MAN1A2: variants seen among roughly 807,000 people sequenced by gnomAD.
MAN1A2 encodes the protein mannosidase alpha class 1A member 2, also known as mannosyl-oligosaccharide 1,2-alpha-mannosidase IB.
Under a neutral mutation model 75.7 loss-of-function variants are expected in MAN1A2, and 26 were observed. That is an observed-to-expected ratio of 0.34 (90% CI 0.25 to 0.48). The LOEUF is 0.48. Ranked by LOEUF, MAN1A2 falls within the 20% of genes least tolerant of loss-of-function variation. The probability of loss-of-function intolerance (pLI) is 0.99; values close to 1 mark genes in which losing one functional copy is unlikely to be tolerated. For missense variants in MAN1A2, 562 were observed against 775.5 expected, an observed-to-expected ratio of 0.72 and a Z score of 3.27; for synonymous variants, 247 against 264.6, an observed-to-expected ratio of 0.93 and a Z score of 0.65.
chr1:117,369,264 G>C (rs1035179672), intron 1 of MAN1A2, among the ~76,000 whole-genome samples: 1 of 152,188 alleles, frequency 6.6e-6, no homozygotes, highest in African/African-American at 2.4e-5. Context: ...AATCTAAAGT[G>C]AGCTCTGGGG....
intron 1 of MAN1A2, among the ~76,000 whole-genome samples, chr1:117,399,130 C>A (rs768046803): frequency 6.6e-6 from 1 of 152,102 alleles, no homozygotes. Context: ...TTTTAAAATG[C>A]CCATGTGCGT....
At position 117,523,046 on chromosome 1, in the gene MAN1A2, TG is replaced by T; in HGVS notation, c.*91del. ...TTTGAAGGGGCGGCTTTTGAAAACC[TG>T]GACCTCTATGTCAACATGACAGGGT... On this transcript the variant is annotated 3_prime_UTR_variant, in exon 13 of 13. Transcript: ENST00000356554. The T allele has an allele frequency of 7.3e-7, 1 of 1,360,820 alleles. No individual in the cohort carries two copies. The highest frequency in any genetic ancestry group is 1.0e-6 in the Non-Finnish European group (1 of 961,848). 84.3% of individuals were successfully genotyped at this position (1,360,820 alleles called of 1,614,324 possible).
At chr1:117,417,733 C>CAT (rs1553232830) in intron 4 of MAN1A2, among the ~76,000 whole-genome samples, 3 of 149,718 alleles carry the variant, frequency 2.0e-5, no homozygotes, top group East Asian at 1.9e-4. Context: ...CTCTCTCTCT[C>CAT]ATCAAAGTAT....
intron 1 of MAN1A2, among the ~76,000 whole-genome samples, chr1:117,380,916 G>A (rs921665093): frequency 2.0e-5 from 3 of 152,110 alleles, no homozygotes; most frequent in African/African-American, 7.2e-5. Context: ...TTGGAATTTT[G>A]ATAGAGATTA....
intron 1 of MAN1A2, 101 bp from the exon 2 acceptor site, chr1:117,402,085 A>G: frequency 8.3e-7 from 1 of 1,211,018 alleles, no homozygotes; most frequent in Non-Finnish European, 1.1e-6. Context: ...AGTAGAAAAC[A>G]AGTTCCTGGG....
rs532839550 is a variant in MAN1A2 at position 117,418,027 on chromosome 1, CAG to C, written c.775-2539_775-2538del. Among the ~76,000 whole-genome samples the C allele has an allele frequency of 4.8e-3, 724 of 152,162 alleles. 4 individuals carry two copies. Among genetic ancestry groups the C allele is most frequent in the African/African-American group, 0.017 (692 of 41,514 alleles). ...TGCTACTGTACTCTAGCCTGGGCAACAGAGTAAGATCCTCCTTCTGAAGAATA... is the reference window on the plus strand; with the variant it reads ...TGCTACTGTACTCTAGCCTGGGCAACAGTAAGATCCTCCTTCTGAAGAATA... On this transcript the variant is annotated intron_variant, in intron 4 of 12. Transcript: ENST00000356554.
At chr1:117,460,730 AG>A in intron 7 of MAN1A2, 118 bp downstream of exon 7, 1 of 1,218,426 alleles carries the variant, frequency 8.2e-7, no homozygotes, top group Non-Finnish European at 1.1e-6. Context: ...TTAGGGCTGT[AG>A]CCTTTATTTT....
At chr1:117,437,109 T>G (rs1648874900) in intron 5 of MAN1A2, among the ~76,000 whole-genome samples, 1 of 152,148 alleles carries the variant, frequency 6.6e-6, no homozygotes, top group Non-Finnish European at 1.5e-5. Context: ...TCAGTGATAC[T>G]GAAAAATTTA....
intron 1 of MAN1A2, 57 bp downstream of exon 1, chr1:117,368,542 T>G: frequency 4.2e-6 from 6 of 1,445,618 alleles, no homozygotes; most frequent in South Asian, 1.3e-5. Flanking sequence ...GTACGGTGAT[T>G]GGATCGAATC....
rs1434648645 is a variant in MAN1A2 at position 117,524,388 on chromosome 1, T to TGCAA, written c.*1433_*1436dup. ...TTCTGTCCTTAAATTTATGTGACAG[T>TGCAA]GCAAGATACTTTTGCTCTTTTCATT... On this transcript the variant is annotated 3_prime_UTR_variant, in exon 13 of 13. Transcript: ENST00000356554. 1 of 151,960 alleles carries TGCAA rather than the reference T, an allele frequency of 6.6e-6. No homozygotes were observed. The highest frequency in any genetic ancestry group is 2.4e-5 in the African/African-American group (1 of 41,410). 9.4% of individuals were successfully genotyped at this position (151,960 alleles called of 1,614,324 possible).
chr1:117,420,581 T>C lies in MAN1A2; in HGVS notation c.787T>C (p.Ser263Pro). 6.2e-7 allele frequency: 1 copy of C among 1,611,492 alleles called. No individual in the cohort carries two copies. Among genetic ancestry groups the C allele is most frequent in the African/African-American group, 1.3e-5 (1 of 74,950 alleles). The change falls in exon 5 of 13, where the codon TCT (serine) becomes CCT (proline). Residue 263 changes from serine (S) to proline (P), a missense_variant. Physicochemically the swap from Ser to Pro is moderately conservative, Grantham distance 74. This residue lies in a region of MAN1A2 where 434 missense variants were observed against 645.7 expected (regional missense o/e 0.67). Coordinates refer to ENST00000356554, the MANE Select transcript of MAN1A2 (RefSeq NM_006699.5). ...NLDFSVNSEV[S>P]VFEVNIRFIG... ...ATGTTTTTCACAGAATTCAGAGGTG[T>C]CTGTGTTTGAAGTCAACATTCGATT...
At chr1:117,467,665 A>G (rs555755640) in intron 8 of MAN1A2, among the ~76,000 whole-genome samples, 3 of 152,238 alleles carry the variant, frequency 2.0e-5, no homozygotes, top group Admixed American at 2.0e-4. Context: ...TGAGAGCTGC[A>G]TTTCTAAAAT....
intron 10 of MAN1A2, among the ~76,000 whole-genome samples, chr1:117,498,100 C>T (rs540006079): frequency 2.5e-4 from 38 of 151,774 alleles, no homozygotes; most frequent in African/African-American, 8.0e-4. Flanking sequence ...GTCAAGAGGA[C>T]GGTGAAGTAG....
intron 1 of MAN1A2, among the ~76,000 whole-genome samples, chr1:117,372,815 A>T (rs1653010123): frequency 1.4e-5 from 2 of 139,278 alleles, no homozygotes; most frequent in Admixed American, 1.4e-4. Flanking sequence ...TTTGTGAGTT[A>T]AAAAAAAAAA....
chr1:117,511,263 G>T (rs983733247), intron 12 of MAN1A2, among the ~76,000 whole-genome samples: 2 of 152,028 alleles, frequency 1.3e-5, no homozygotes, highest in African/African-American at 4.8e-5. Context: ...TACATATGGG[G>T]ATTATGGGGA....
intron 1 of MAN1A2, among the ~76,000 whole-genome samples, chr1:117,378,596 T>C (rs1243243377): frequency 6.6e-6 from 1 of 152,154 alleles, no homozygotes; most frequent in African/African-American, 2.4e-5. Flanking sequence ...GGTAAAAACT[T>C]AGAACTATAG....
At chr1:117,509,960 T>C (rs1168559802) in intron 12 of MAN1A2, among the ~76,000 whole-genome samples, 1 of 151,704 alleles carries the variant, frequency 6.6e-6, no homozygotes, top group Non-Finnish European at 1.5e-5. Context: ...ATATATCCTT[T>C]AGCCTTTTTT....
At chr1:117,502,754 C>A (rs1033938330) in intron 11 of MAN1A2, 101 bp from the exon 12 acceptor site, 3 of 662,800 alleles carry the variant, frequency 4.5e-6, no homozygotes, top group African/African-American at 3.7e-5. Flanking sequence ...AATTTTCATA[C>A]AAATCTTTAT....
chr1:117,524,858 GTA>G lies in MAN1A2; in HGVS notation c.*1909_*1910del. 1 of 271,182 alleles carries G rather than the reference GTA, an allele frequency of 3.7e-6. No homozygotes were observed. The highest frequency in any genetic ancestry group is 4.1e-5 in the Admixed American group (1 of 24,164). 16.8% of individuals were successfully genotyped at this position (271,182 alleles called of 1,614,324 possible). ...ACATTTAAATTTCTAAATGAGAAAG[GTA>G]TATATATTACTGTAACTGTAGAAGG... On this transcript the variant is annotated 3_prime_UTR_variant, in exon 13 of 13. Transcript: ENST00000356554.
Sources: gnomAD v4.1 joint callset for allele counts (sites outside exome capture counted in the v4.1 genomes callset) on GRCh38, gnomAD v4.1.1 for gene constraint, gnomAD v4.1.1 regional missense constraint, MANE v1.5 for transcripts, NCBI Gene and HGNC (gene_info 2026-07-23, HGNC 2026-07-21) for gene names.